The following MECOM variants were observed in gnomAD, a reference collection of about 807,000 sequenced individuals.
MECOM encodes the protein histone-lysine N-methyltransferase MECOM.
A neutral mutation model predicts 116.3 loss-of-function variants in MECOM; 13 were observed. The observed-to-expected ratio is 0.11, with a 90% CI of 0.07 to 0.18. MECOM has a LOEUF of 0.18. Ranked by LOEUF, MECOM falls within the 10% of genes least tolerant of loss-of-function variation. The pLI, the probability that MECOM is intolerant of heterozygous loss-of-function variation, is 1.00. For missense variants in MECOM, 1,299 were observed against 1,509.0 expected, an observed-to-expected ratio of 0.86 and a Z score of 2.31; for synonymous variants, 528 against 535.2, an observed-to-expected ratio of 0.99 and a Z score of 0.19.
intron 1 of MECOM, among the ~76,000 whole-genome samples, chr3:169,486,029 A>ATATATATAC (rs1416714963): frequency 8.6e-6 from 1 of 115,778 alleles, no homozygotes; most frequent in African/African-American, 3.8e-5. Flanking sequence ...TATATATAGT[A>ATATATATAC]TATATATATA....
chr3:169,363,090 C>A (rs536511468), intron 2 of MECOM, among the ~76,000 whole-genome samples: 8 of 152,012 alleles, frequency 5.3e-5, no homozygotes, highest in South Asian at 4.1e-4. Flanking sequence ...TACCGCAGCT[C>A]ATGCATCAAC....
intron 1 of MECOM, among the ~76,000 whole-genome samples, chr3:169,538,427 T>C (rs772909154): frequency 6.6e-6 from 1 of 152,180 alleles, no homozygotes; most frequent in Non-Finnish European, 1.5e-5. Context: ...AATGGCAGGT[T>C]AGAGGGACAT....
At chr3:169,145,021 G>A in intron 2 of MECOM, 1 of 1,557,440 alleles carries the variant, frequency 6.4e-7, no homozygotes, top group Non-Finnish European at 8.7e-7. Context: ...AAAACCCAGT[G>A]CTCCAAGGGC....
intron 12 of MECOM, among the ~76,000 whole-genome samples, chr3:169,098,427 T>G (rs1270689100): frequency 2.6e-5 from 4 of 152,200 alleles, no homozygotes; most frequent in Non-Finnish European, 5.9e-5. Flanking sequence ...TTCTCATTAT[T>G]AGAGTGAGGT....
chr3:169,177,735 G>A (rs540920885), intron 2 of MECOM, among the ~76,000 whole-genome samples: 13 of 152,132 alleles, frequency 8.5e-5, no homozygotes, highest in African/African-American at 2.9e-4. Context: ...TGGACAACCT[G>A]GTGAAATACT....
At chr3:169,307,389 C>G (rs1444520378) in intron 2 of MECOM, among the ~76,000 whole-genome samples, 1 of 152,036 alleles carries the variant, frequency 6.6e-6, no homozygotes, top group Non-Finnish European at 1.5e-5. Flanking sequence ...TGAGACCAGC[C>G]TGAACAATAA....
intron 1 of MECOM, among the ~76,000 whole-genome samples, chr3:169,562,464 AC>A (rs1163140978): frequency 6.6e-6 from 1 of 152,148 alleles, no homozygotes; most frequent in Non-Finnish European, 1.5e-5. Flanking sequence ...CAGGGAGACA[AC>A]CCAAAAAAGA....
In MECOM at chr3:169,121,043, G is replaced by A. The variant is rs1730867747; in HGVS notation, c.1132+13C>T. Reference sequence around the variant, plus strand: ...CAGATGTGGGAAGGAGGGCTGGAGTGTTGAAAACTTACAGATAAAGGGCTT... The same window carrying A: ...CAGATGTGGGAAGGAGGGCTGGAGTATTGAAAACTTACAGATAAAGGGCTT... On this transcript the variant is annotated intron_variant, in intron 7 of 16. Coordinates refer to ENST00000651503, the MANE Select transcript of MECOM (RefSeq NM_004991.4). 1 of 1,594,362 alleles carries A rather than the reference G, an allele frequency of 6.3e-7. No individual in the cohort carries two copies. Among genetic ancestry groups the A allele is most frequent in the South Asian group, 1.1e-5 (1 of 88,654 alleles).
chr3:169,093,748 C>T lies in MECOM; in HGVS notation c.3020-646G>A, dbSNP rs1051405861. Among the ~76,000 whole-genome samples, 27 of 152,152 alleles carry T rather than the reference C, an allele frequency of 1.8e-4. 1 individual carries two copies. The highest frequency in any genetic ancestry group is 7.4e-5 in the Non-Finnish European group (5 of 68,022). On this transcript the variant is annotated intron_variant, in intron 13 of 16. Transcript: ENST00000651503. ...CCCGTATCACTGGATTGGTGTAAGG[C>T]TTACATAAACTTAAACCACTTTTAC...
At chr3:169,127,695 C>A in intron 5 of MECOM, 149 bp downstream of exon 5, 3 of 635,378 alleles carry the variant, frequency 4.7e-6, no homozygotes, top group Non-Finnish European at 8.3e-6. Context: ...ATGAGAATAT[C>A]CAGGCAAATA....
chr3:169,218,414 G>A (rs929725449), intron 2 of MECOM, among the ~76,000 whole-genome samples: 1 of 152,104 alleles, frequency 6.6e-6, no homozygotes, highest in Non-Finnish European at 1.5e-5. Flanking sequence ...AAGTTACTTC[G>A]GGCAATGATC....
chr3:169,119,132 T>C (rs1179803720), intron 7 of MECOM, among the ~76,000 whole-genome samples: 3 of 152,228 alleles, frequency 2.0e-5, no homozygotes, highest in Admixed American at 1.3e-4. Flanking sequence ...ACCTTAGCAC[T>C]GGTGACTTTG....
chr3:169,581,411 C>T (rs1765109462), intron 1 of MECOM, among the ~76,000 whole-genome samples: 1 of 152,136 alleles, frequency 6.6e-6, no homozygotes, highest in African/African-American at 2.4e-5. Flanking sequence ...CAGCTCCTAC[C>T]ATGATAGTCT....
intron 14 of MECOM, among the ~76,000 whole-genome samples, chr3:169,090,908 A>G: frequency 6.6e-6 from 1 of 152,054 alleles, no homozygotes; most frequent in African/African-American, 2.4e-5. Context: ...AGGTATTACA[A>G]TGTACCCCCA....
intron 2 of MECOM, among the ~76,000 whole-genome samples, chr3:169,362,250 C>T (rs991364651): frequency 6.6e-6 from 1 of 151,698 alleles, no homozygotes; most frequent in Admixed American, 6.6e-5. Context: ...TTAAAACCTC[C>T]AAAACCATGA....
intron 1 of MECOM, among the ~76,000 whole-genome samples, chr3:169,460,457 A>T (rs1747253919): frequency 6.6e-6 from 1 of 152,184 alleles, no homozygotes; most frequent in Admixed American, 6.6e-5. Context: ...AGATCATAGA[A>T]TTCAGCACCC....
chr3:169,377,664 A>T (rs1731269733), intron 2 of MECOM, among the ~76,000 whole-genome samples: 1 of 152,238 alleles, frequency 6.6e-6, no homozygotes, highest in Non-Finnish European at 1.5e-5. Context: ...TTAAAAAGTC[A>T]GGAAACAACA....
chr3:169,102,259 T>C, intron 10 of MECOM, 33 bp from the exon 11 acceptor site: 1 of 1,575,958 alleles, frequency 6.3e-7, no homozygotes, highest in Admixed American at 1.8e-5. Context: ...CATGAAGCGT[T>C]TGGCATCTTG....
At chr3:169,491,942 C>T (rs903394296) in intron 1 of MECOM, among the ~76,000 whole-genome samples, 1 of 152,090 alleles carries the variant, frequency 6.6e-6, no homozygotes, top group African/African-American at 2.4e-5. Flanking sequence ...TATATTTTGC[C>T]TTGTTTGTTT....
Sources: gnomAD v4.1 joint callset for allele counts (sites outside exome capture counted in the v4.1 genomes callset) on GRCh38, gnomAD v4.1.1 for gene constraint, MANE v1.5 for transcripts, NCBI Gene and HGNC (gene_info 2026-07-23, HGNC 2026-07-21) for gene names.